FBXL17: variants seen among roughly 807,000 people sequenced by gnomAD.
The protein encoded by FBXL17 is F-box and leucine rich repeat protein 17, also known as F-box/LRR-repeat protein 17.
FBXL17 carries 22 observed loss-of-function variants against 66.2 expected under a neutral mutation model. That is an observed-to-expected ratio of 0.33 (90% confidence interval 0.24 to 0.47). The LOEUF is 0.47. Among genes scored for constraint, FBXL17 ranks in the 20% least tolerant of loss-of-function variants. The pLI, the probability that FBXL17 is intolerant of heterozygous loss-of-function variation, is 1.00. For synonymous variants in FBXL17, 474 were observed against 400.5 expected, an observed-to-expected ratio of 1.18 and a Z score of -2.19; for missense variants, 878 against 948.2, an observed-to-expected ratio of 0.93 and a Z score of 0.97.
intron 5 of FBXL17, among the ~76,000 whole-genome samples, chr5:108,220,807 GT>G (rs1754831127): frequency 1.3e-5 from 2 of 152,088 alleles, no homozygotes; most frequent in Non-Finnish European, 2.9e-5. Flanking sequence ...TGCTGAACTT[GT>G]TTTTAAAAGT....
chr5:108,035,811 C>T (rs1369300295), intron 6 of FBXL17, among the ~76,000 whole-genome samples: 1 of 149,174 alleles, frequency 6.7e-6, no homozygotes. Context: ...AAGCACTCTA[C>T]CCTTGAAATC....
chr5:108,109,210 C>T (rs1037243398), intron 6 of FBXL17, among the ~76,000 whole-genome samples: 4 of 152,074 alleles, frequency 2.6e-5, no homozygotes, highest in East Asian at 1.9e-4. Flanking sequence ...CACACTTCCC[C>T]AAAATATGGT....
At chr5:108,144,757 T>A (rs1445729850) in intron 6 of FBXL17, among the ~76,000 whole-genome samples, 1 of 152,166 alleles carries the variant, frequency 6.6e-6, no homozygotes, top group Admixed American at 6.5e-5. Context: ...ATTCTCCAAC[T>A]AAATTAAATC....
At chr5:108,154,605 A>AT (rs1159121549) in intron 6 of FBXL17, among the ~76,000 whole-genome samples, 3,834 of 105,056 alleles carry the variant, frequency 0.036, 116 homozygotes, top group Non-Finnish European at 0.053. Flanking sequence ...AAAAAAAAAA[A>AT]AATATATATA....
At position 108,364,795 on chromosome 5, in the gene FBXL17, T is replaced by C. The variant is rs1320661070; in HGVS notation, c.1317A>G (p.Leu439=). ...SIIAVASHCP[L]LQKVHVGNQD... ...GGTTGCCTACATGCACTTTCTGAAG[T>C]AAAGGACAGTGAGAGGCAACCGCAA... Residue 439 remains leucine (L), a synonymous_variant, in exon 3 of 9, where the codon TTA becomes TTG. Coordinates refer to ENST00000542267, the MANE Select transcript of FBXL17 (RefSeq NM_001163315.3). 3.1e-6 allele frequency: 5 copies of C among 1,612,762 alleles called. No homozygotes were observed. Among genetic ancestry groups the C allele is most frequent in the African/African-American group, 1.3e-5 (1 of 74,962 alleles).
At chr5:107,955,403 C>A (rs1460626200) in intron 7 of FBXL17, among the ~76,000 whole-genome samples, 1 of 152,072 alleles carries the variant, frequency 6.6e-6, no homozygotes. Context: ...TAAGAAACAT[C>A]AGAAAGATGC....
At chr5:108,298,294 C>T in intron 4 of FBXL17, 2 of 984,776 alleles carry the variant, frequency 2.0e-6, no homozygotes, top group South Asian at 4.7e-5. Flanking sequence ...CAGAATTTGG[C>T]TTCCAAACAT....
At chr5:108,018,046 T>C (rs1441543889) in intron 7 of FBXL17, among the ~76,000 whole-genome samples, 1 of 150,456 alleles carries the variant, frequency 6.6e-6, no homozygotes, top group Non-Finnish European at 1.5e-5. Context: ...ATGAAGCCTG[T>C]AAAAAAAAAT....
intron 5 of FBXL17, among the ~76,000 whole-genome samples, chr5:108,202,361 G>C (rs1753932471): frequency 6.6e-6 from 1 of 152,056 alleles, no homozygotes. Context: ...AGTTATAAAA[G>C]AGTACCCTCA....
chr5:108,338,788 A>G (rs1346617389), intron 4 of FBXL17, among the ~76,000 whole-genome samples: 1 of 152,188 alleles, frequency 6.6e-6, no homozygotes, highest in Non-Finnish European at 1.5e-5. Flanking sequence ...CATGATGAAT[A>G]CATCCTTCTA....
intron 4 of FBXL17, among the ~76,000 whole-genome samples, chr5:108,247,405 A>C (rs1009840348): frequency 7.2e-5 from 11 of 152,160 alleles, no homozygotes; most frequent in African/African-American, 2.7e-4. Flanking sequence ...GCAGGTATCA[A>C]ATTCTGGCTT....
intron 7 of FBXL17, among the ~76,000 whole-genome samples, chr5:107,989,047 G>A (rs1421831369): frequency 2.0e-5 from 3 of 151,752 alleles, no homozygotes; most frequent in Admixed American, 1.3e-4. Flanking sequence ...GGGTACAGGC[G>A]ACATTTTGAT....
chr5:107,988,377 T>G (rs1443918565), intron 7 of FBXL17, among the ~76,000 whole-genome samples: 1 of 151,994 alleles, frequency 6.6e-6, no homozygotes, highest in Non-Finnish European at 1.5e-5. Context: ...TTTTCAATCA[T>G]TTTCTCTTGA....
intron 6 of FBXL17, among the ~76,000 whole-genome samples, chr5:108,175,738 T>C (rs908650273): frequency 6.6e-6 from 1 of 152,226 alleles, no homozygotes. Context: ...CTGCCATTTT[T>C]AATTATTACC....
At chr5:107,884,461 G>C (rs979557786) in intron 7 of FBXL17, among the ~76,000 whole-genome samples, 2 of 152,210 alleles carry the variant, frequency 1.3e-5, no homozygotes. Flanking sequence ...AGCACCTAGG[G>C]TGGGAGTAGA....
chr5:107,936,438 T>A lies in FBXL17; in HGVS notation c.1823-55259A>T, dbSNP rs549094890. Among the ~76,000 whole-genome samples the A allele has an allele frequency of 5.9e-3, 893 of 152,094 alleles. 8 individuals are homozygous for A. Among genetic ancestry groups the A allele is most frequent in the African/African-American group, 0.02 (830 of 41,528 alleles). On this transcript the variant is annotated intron_variant, in intron 7 of 8. Transcript: ENST00000542267. ...TTACTTAATTTACTATTTATTTTTT[T>A]AAAAAAAATTCCCAGGGGCTGAGAA...
intron 6 of FBXL17, among the ~76,000 whole-genome samples, chr5:108,037,738 G>T (rs2112796699): frequency 6.6e-6 from 1 of 152,180 alleles, no homozygotes; most frequent in African/African-American, 2.4e-5. Flanking sequence ...GTTTTTGTAA[G>T]AATTAAAATA....
chr5:108,216,278 G>A (rs1323966360), intron 5 of FBXL17, among the ~76,000 whole-genome samples: 1 of 151,916 alleles, frequency 6.6e-6, no homozygotes, highest in Non-Finnish European at 1.5e-5. Context: ...AGTGCTTTGA[G>A]TAATACTGCC....
intron 6 of FBXL17, among the ~76,000 whole-genome samples, chr5:108,149,247 A>C (rs932627465): frequency 3.9e-5 from 6 of 152,236 alleles, no homozygotes; most frequent in African/African-American, 1.4e-4. Context: ...CCTTCAAAGT[A>C]AACATTCAAT....
Sources: gnomAD v4.1 joint callset for allele counts (sites outside exome capture counted in the v4.1 genomes callset) on GRCh38, gnomAD v4.1.1 for gene constraint, MANE v1.5 for transcripts, NCBI Gene and HGNC (gene_info 2026-07-23, HGNC 2026-07-21) for gene names.